DNAH6: variants seen among roughly 807,000 people sequenced by gnomAD.
The protein encoded by DNAH6 is axonemal beta dynein heavy chain 6.
A neutral mutation model predicts 491.4 loss-of-function variants in DNAH6; 340 were observed. That is an observed-to-expected ratio of 0.69 (90% CI 0.63 to 0.76). The LOEUF (loss-of-function observed/expected upper bound fraction) is 0.76, where lower values mean the gene tolerates loss of function less well. DNAH6 is among the 30% of genes least tolerant of loss of function. The pLI is 0.00. For synonymous variants in DNAH6, 1,603 were observed against 1,686.1 expected (o/e 0.95, Z 1.21); for missense variants, 4,443 against 4,972.2 (o/e 0.89, Z 3.20).
chr2:84,614,067 G>A (rs1009029229), intron 22 of DNAH6, among the ~76,000 whole-genome samples: 2 of 151,790 alleles, frequency 1.3e-5, no homozygotes, highest in African/African-American at 2.4e-5. Context: ...GGAAACAGGT[G>A]GTGTATGGTT....
At position 84,704,145 on chromosome 2, in the gene DNAH6, CAA is replaced by C. The variant is rs1389442824; in HGVS notation, c.8310_8311del (p.Asp2772SerfsTer2). The C allele has an allele frequency of 6.4e-7, 1 of 1,551,868 alleles. No individual in the cohort carries two copies. The highest frequency in any genetic ancestry group is 1.2e-5 in the South Asian group (1 of 84,036). ...EETQAIADDAQRDLDEALPAL... is the reference protein window; with the variant it reads ...EETQAIADDAXRDLDEALPAL... ...AACCCAAGCAATAGCTGATGATGCT[CAA>C]AGAGATCTTGACGAGGCACTACCTG... On this transcript the variant is annotated frameshift_variant, in exon 51 of 77. Coordinates refer to ENST00000389394, the MANE Select transcript of DNAH6 (RefSeq NM_001370.2). LOFTEE classifies it high-confidence loss of function.
chr2:84,736,419 G>C (rs1454085208), intron 62 of DNAH6, among the ~76,000 whole-genome samples: 1 of 152,130 alleles, frequency 6.6e-6, no homozygotes, highest in East Asian at 1.9e-4. Context: ...CATTAAATCT[G>C]TAGATTGCTT....
Position 84,701,324 on chromosome 2 carries a change from G to C in DNAH6, c.8046G>C (p.Arg2682Ser). Residue 2682 changes from arginine (R) to serine (S), a missense_variant, in exon 49 of 77, where the codon AGG (arginine) becomes AGC (serine). Arg to Ser is a moderately radical substitution (Grantham distance 110). Around this residue, in one of 3 missense-constraint regions of DNAH6, gnomAD observed 2,977 missense variants for 3,296.6 expected, o/e 0.90. Transcript: ENST00000389394. Reference protein sequence around the residue: ...NLYLSMLSEKRKQIISARDRV... With the variant: ...NLYLSMLSEKSKQIISARDRV... ...ACCTGTCTATGCTGTCTGAAAAAAG[G>C]AAGCAGATTATTTCAGTAGGTTCAA... 6.5e-7 allele frequency: 1 copy of C among 1,549,458 alleles called. No homozygotes were observed. Among genetic ancestry groups the C allele is most frequent in the Non-Finnish European group, 8.7e-7 (1 of 1,145,434 alleles).
chr2:84,690,230 A>AT (rs996228598), intron 45 of DNAH6, among the ~76,000 whole-genome samples: 4 of 152,004 alleles, frequency 2.6e-5, no homozygotes, highest in East Asian at 3.9e-4. Context: ...AATCCCTAGA[A>AT]TTTTTTTTCA....
chr2:84,545,673 G>T (rs1678704729), intron 5 of DNAH6, among the ~76,000 whole-genome samples: 1 of 152,020 alleles, frequency 6.6e-6, no homozygotes, highest in Admixed American at 6.6e-5. Flanking sequence ...ATCCTTTTAA[G>T]CAAGGATTGG....
chr2:84,742,110 C>G (rs1456775117), intron 62 of DNAH6, among the ~76,000 whole-genome samples: 1 of 152,218 alleles, frequency 6.6e-6, no homozygotes, highest in East Asian at 1.9e-4. Flanking sequence ...GCTTACTATT[C>G]TGGCTCTTCT....
chr2:84,788,319 T>G (rs551025336), intron 68 of DNAH6, among the ~76,000 whole-genome samples: 1 of 152,298 alleles, frequency 6.6e-6, no homozygotes. Context: ...ATCCTTGATG[T>G]TTCAGGTTAC....
intron 37 of DNAH6, 32 bp downstream of exon 37, chr2:84,659,201 AT>A (rs1395030378): frequency 1.7e-6 from 2 of 1,155,722 alleles, no homozygotes; most frequent in Non-Finnish European, 2.3e-6. Context: ...TTTTAACATA[AT>A]AATTCTGAAT....
intron 63 of DNAH6, among the ~76,000 whole-genome samples, chr2:84,746,796 T>A (rs184616175): frequency 5.3e-5 from 8 of 152,270 alleles, no homozygotes; most frequent in Non-Finnish European, 1.0e-4. Flanking sequence ...TGTACAAGCA[T>A]GACACCAGCA....
intron 41 of DNAH6, among the ~76,000 whole-genome samples, chr2:84,678,718 G>A (rs1693494295): frequency 6.6e-6 from 1 of 152,096 alleles, no homozygotes; most frequent in South Asian, 2.1e-4. Context: ...CATCCAGCAA[G>A]CACATCATAG....
At position 84,681,435 on chromosome 2, in the gene DNAH6, G is replaced by A; in HGVS notation, c.6823G>A (p.Glu2275Lys). 1 of 1,551,520 alleles carries A rather than the reference G, an allele frequency of 6.4e-7. No homozygotes were observed. Among genetic ancestry groups the A allele is most frequent in the Non-Finnish European group, 8.7e-7 (1 of 1,146,884 alleles). Residue 2275 changes from glutamate (E) to lysine (K), a missense_variant, in exon 42 of 77, where the codon GAG becomes AAG. This residue lies in a region of DNAH6 where 2,977 missense variants were observed against 3,296.6 expected (regional missense o/e 0.90). Transcript: ENST00000389394. ...ATCAAGCATTGTAGAAGCCTCAGTT[G>A]AGATTTATAACAAAATGAGTGTTGA... Reference protein sequence around the residue: ...TASSIVEASVEIYNKMSVDLL... With the variant: ...TASSIVEASVKIYNKMSVDLL...
intron 37 of DNAH6, among the ~76,000 whole-genome samples, chr2:84,668,708 C>T (rs538405440): frequency 1.3e-5 from 2 of 152,096 alleles, no homozygotes; most frequent in South Asian, 2.1e-4. Flanking sequence ...CTGACTCCAG[C>T]GTGTTCTTCA....
chr2:84,686,384 T>C (rs1694258412), intron 43 of DNAH6, 100 bp from the exon 44 acceptor site: 2 of 702,894 alleles, frequency 2.8e-6, no homozygotes, highest in Non-Finnish European at 2.4e-6. Context: ...TAATTAAGTC[T>C]TCTAAGTAAA....
At chr2:84,777,880 A>G (rs1326222234) in intron 64 of DNAH6, 5 of 1,236,272 alleles carry the variant, frequency 4.0e-6, no homozygotes, top group East Asian at 2.3e-5. Flanking sequence ...ATTTTACAAC[A>G]TTAGGAATGA....
At chr2:84,582,483 G>A (rs888538821) in intron 14 of DNAH6, among the ~76,000 whole-genome samples, 1 of 152,100 alleles carries the variant, frequency 6.6e-6, no homozygotes, top group East Asian at 1.9e-4. Context: ...ACGGAGTCTC[G>A]CTCTGTCGCC....
intron 60 of DNAH6, among the ~76,000 whole-genome samples, chr2:84,725,978 T>C (rs1487556846): frequency 6.6e-6 from 1 of 152,212 alleles, no homozygotes; most frequent in Non-Finnish European, 1.5e-5. Context: ...CAACAAAGAC[T>C]TTCCCAATTT....
At chr2:84,632,011 T>C (rs1688446079) in intron 29 of DNAH6, among the ~76,000 whole-genome samples, 1 of 152,218 alleles carries the variant, frequency 6.6e-6, no homozygotes, top group South Asian at 2.1e-4. Context: ...GAACAAGTGG[T>C]AAACCCAATT....
At chr2:84,574,275 TTTTC>T (rs1348565147) in intron 12 of DNAH6, among the ~76,000 whole-genome samples, 17 of 152,096 alleles carry the variant, frequency 1.1e-4, no homozygotes, top group African/African-American at 4.1e-4. Flanking sequence ...AGCACTAATT[TTTTC>T]TTTATGTTTT....
chr2:84,583,115 A>G (rs892263128), intron 14 of DNAH6, among the ~76,000 whole-genome samples: 3 of 152,232 alleles, frequency 2.0e-5, no homozygotes, highest in Non-Finnish European at 4.4e-5. Flanking sequence ...AATACTGTCC[A>G]CTGGAAGTGA....
Sources: gnomAD v4.1 joint callset for allele counts (sites outside exome capture counted in the v4.1 genomes callset) on GRCh38, gnomAD v4.1.1 for gene constraint, gnomAD v4.1.1 regional missense constraint, MANE v1.5 for transcripts, NCBI Gene and HGNC (gene_info 2026-07-23, HGNC 2026-07-21) for gene names.